LINGO2: variants seen among roughly 807,000 people sequenced by gnomAD.
LINGO2 encodes the protein leucine-rich repeat and immunoglobulin-like domain-containing nogo receptor-interacting protein 2.
A neutral mutation model predicts 30.6 loss-of-function variants in LINGO2; 14 were observed. The ratio of observed to expected loss-of-function variants is 0.46; its 90% CI spans 0.30 to 0.72. The LOEUF (loss-of-function observed/expected upper bound fraction) is 0.72. Ranked by LOEUF, LINGO2 falls within the 30% of genes least tolerant of loss-of-function variation. The pLI is 0.07. For synonymous variants in LINGO2, 317 were observed against 288.5 expected, an observed-to-expected ratio of 1.10 and a Z score of -1.00; for missense variants, 729 against 751.7, an observed-to-expected ratio of 0.97 and a Z score of 0.35.
exon 1 of LINGO2, chr9:28,670,252 T>C (rs1588051164): frequency 6.6e-6 from 1 of 152,108 alleles, no homozygotes; most frequent in Non-Finnish European, 1.5e-5. Context: ...CAGCTCATGA[T>C]ACAGCTTTCT....
chr9:29,134,004 C>G, the LINGO2 span, among the ~76,000 whole-genome samples: 1 of 152,092 alleles, frequency 6.6e-6, no homozygotes, highest in African/African-American at 2.4e-5. Flanking sequence ...TAATATAAGG[C>G]TCTATACTTA....
intron 1 of LINGO2, among the ~76,000 whole-genome samples, chr9:28,483,568 G>T (rs757442835): frequency 2.0e-5 from 3 of 151,518 alleles, no homozygotes; most frequent in Non-Finnish European, 3.0e-5. Flanking sequence ...GATAAAAAAA[G>T]AACTGTAACT....
intron 3 of LINGO2, among the ~76,000 whole-genome samples, chr9:28,355,333 GTCTCTCTCTC>G (rs372527860): frequency 0.027 from 1,706 of 63,830 alleles, 46 homozygotes; most frequent in African/African-American, 0.08. Flanking sequence ...CTCTGTCTCT[GTCTCTCTCTC>G]TCTCTCTCTC....
intron 4 of LINGO2, among the ~76,000 whole-genome samples, chr9:28,283,823 T>G (rs567651635): frequency 1.6e-4 from 25 of 152,260 alleles, no homozygotes; most frequent in African/African-American, 5.5e-4. Context: ...TATTGTCATG[T>G]TAGATTTAAT....
chr9:28,545,810 A>G (rs1449750589), intron 1 of LINGO2, among the ~76,000 whole-genome samples: 1 of 152,036 alleles, frequency 6.6e-6, no homozygotes, highest in Non-Finnish European at 1.5e-5. Context: ...AAGCCTTTAC[A>G]TTTTACAGAT....
intron 2 of LINGO2, among the ~76,000 whole-genome samples, chr9:28,389,660 A>G (rs1346688000): frequency 6.6e-6 from 1 of 152,152 alleles, no homozygotes; most frequent in African/African-American, 2.4e-5. Flanking sequence ...CTTCCTAGAA[A>G]ACCAGCCAAC....
intron 2 of LINGO2, among the ~76,000 whole-genome samples, chr9:28,452,591 G>A (rs970303629): frequency 6.6e-6 from 1 of 151,804 alleles, no homozygotes; most frequent in Non-Finnish European, 1.5e-5. Context: ...GCATTCTACA[G>A]GGCTAGTGTC....
intron 1 of LINGO2, among the ~76,000 whole-genome samples, chr9:28,573,475 A>G (rs187794844): frequency 3.3e-5 from 5 of 152,254 alleles, no homozygotes; most frequent in Admixed American, 3.3e-4. Flanking sequence ...AATTCCTGTA[A>G]TTATGTTTTT....
chr9:28,462,158 A>G (rs1178590754), intron 2 of LINGO2, among the ~76,000 whole-genome samples: 3 of 152,080 alleles, frequency 2.0e-5, no homozygotes, highest in African/African-American at 7.2e-5. Context: ...AACTGAATGG[A>G]TTTCCCAGAG....
At chr9:27,959,265 A>C (rs1358459939) in intron 5 of LINGO2, among the ~76,000 whole-genome samples, 5 of 152,030 alleles carry the variant, frequency 3.3e-5, no homozygotes, top group African/African-American at 1.2e-4. Flanking sequence ...TTATTTCATT[A>C]ATTTCTGTTC....
intron 4 of LINGO2, among the ~76,000 whole-genome samples, chr9:28,133,474 A>G (rs1222324306): frequency 1.3e-5 from 2 of 152,186 alleles, no homozygotes; most frequent in Non-Finnish European, 2.9e-5. Flanking sequence ...GACTAGAGAT[A>G]TAAAGTTAAA....
intron 1 of LINGO2, among the ~76,000 whole-genome samples, chr9:28,638,121 G>T (rs530545887): frequency 6.6e-6 from 1 of 152,066 alleles, no homozygotes; most frequent in Non-Finnish European, 1.5e-5. Context: ...ACTGGATTAC[G>T]TTTATTGATT....
the LINGO2 span, among the ~76,000 whole-genome samples, chr9:29,046,225 T>C: frequency 6.6e-6 from 1 of 152,204 alleles, no homozygotes; most frequent in Non-Finnish European, 1.5e-5. Context: ...TCAAGGGAAC[T>C]GCTTCCAGCC....
chr9:29,055,426 C>T, the LINGO2 span, among the ~76,000 whole-genome samples: 2 of 152,150 alleles, frequency 1.3e-5, no homozygotes, highest in South Asian at 2.1e-4. Flanking sequence ...GTGCATATCA[C>T]CACATTTTTT....
At chr9:28,679,837 T>C in the LINGO2 span, among the ~76,000 whole-genome samples, 2 of 152,060 alleles carry the variant, frequency 1.3e-5, no homozygotes, top group African/African-American at 4.8e-5. Flanking sequence ...AAAAATTACA[T>C]ATAGTTATCA....
the LINGO2 span, among the ~76,000 whole-genome samples, chr9:29,128,812 T>A: frequency 1.3e-5 from 2 of 152,148 alleles, no homozygotes; most frequent in Non-Finnish European, 2.9e-5. Flanking sequence ...TAGATGTGTT[T>A]ATTTGCATGT....
At chr9:28,300,768 C>T (rs2134206663) in intron 3 of LINGO2, among the ~76,000 whole-genome samples, 1 of 151,958 alleles carries the variant, frequency 6.6e-6, no homozygotes, top group Admixed American at 6.5e-5. Context: ...GCTCAGAGGA[C>T]AAGGCAAGAC....
chr9:28,188,790 G>C (rs1322134424), intron 4 of LINGO2, among the ~76,000 whole-genome samples: 1 of 152,070 alleles, frequency 6.6e-6, no homozygotes, highest in Non-Finnish European at 1.5e-5. Context: ...TACTGTCATG[G>C]GTCAAAGAGG....
At chr9:28,989,879 C>G in the LINGO2 span, among the ~76,000 whole-genome samples, 1 of 152,144 alleles carries the variant, frequency 6.6e-6, no homozygotes, top group Non-Finnish European at 1.5e-5. Context: ...CCACGACGAC[C>G]TTAAAAACCA....
Sources: allele counts gnomAD v4.1 joint callset (sites outside exome capture counted in the v4.1 genomes callset), GRCh38; gene constraint gnomAD v4.1.1; transcripts MANE v1.5; gene names NCBI Gene and HGNC (gene_info 2026-07-23, HGNC 2026-07-21).